The following TENM3 variants were observed in gnomAD, a reference collection of about 807,000 sequenced individuals.
TENM3 encodes the protein teneurin transmembrane protein 3.
Under a neutral mutation model 255.1 loss-of-function variants are expected in TENM3, and 63 were observed. The ratio of observed to expected loss-of-function variants is 0.25; its 90% CI spans 0.20 to 0.30. The LOEUF is 0.30. Among genes scored for constraint, TENM3 ranks in the 10% least tolerant of loss-of-function variants. TENM3 has a pLI of 1.00. For synonymous variants in TENM3, 1,306 were observed against 1,322.3 expected (o/e 0.99, Z 0.27); for missense variants, 2,929 against 3,461.1 (o/e 0.85, Z 3.86).
At chr4:182,211,049 C>T (rs1755003835) in intron 1 of TENM3, among the ~76,000 whole-genome samples, 1 of 152,162 alleles carries the variant, frequency 6.6e-6, no homozygotes, top group African/African-American at 2.4e-5. Flanking sequence ...GTCGCTGTCC[C>T]TCATCATCTC....
At chr4:182,070,458 A>C in the TENM3 span, among the ~76,000 whole-genome samples, 1 of 152,300 alleles carries the variant, frequency 6.6e-6, no homozygotes, top group South Asian at 2.1e-4. Flanking sequence ...TCTTTACTAA[A>C]AATACAAAAT....
chr4:181,616,081 A>G, the TENM3 span, among the ~76,000 whole-genome samples: 1 of 152,078 alleles, frequency 6.6e-6, no homozygotes, highest in Non-Finnish European at 1.5e-5. Context: ...AATGTAAATA[A>G]CAACACAAAT....
At chr4:181,664,439 C>A in the TENM3 span, among the ~76,000 whole-genome samples, 25 of 150,820 alleles carry the variant, frequency 1.7e-4, no homozygotes, top group Non-Finnish European at 2.4e-4. Flanking sequence ...CACTGCACTC[C>A]AGCCTGGGCG....
intron 22 of TENM3, among the ~76,000 whole-genome samples, chr4:182,771,362 C>T (rs1387095751): frequency 6.6e-6 from 1 of 152,082 alleles, no homozygotes; most frequent in Non-Finnish European, 1.5e-5. Flanking sequence ...TTAAATCAGG[C>T]ACTGTGATCT....
At chr4:182,091,622 G>C in the TENM3 span, among the ~76,000 whole-genome samples, 1 of 152,316 alleles carries the variant, frequency 6.6e-6, no homozygotes, top group South Asian at 2.1e-4. Context: ...GCCTCTGAGG[G>C]CACATCCTAG....
At chr4:182,200,568 GCTAAGTTATTCT>G (rs1401659375) in intron 1 of TENM3, among the ~76,000 whole-genome samples, 7 of 152,114 alleles carry the variant, frequency 4.6e-5, no homozygotes, top group Non-Finnish European at 7.4e-5. Flanking sequence ...AGTGTCCTTG[GCTAAGTTATTCT>G]CTACAGAAGG....
intron 4 of TENM3, among the ~76,000 whole-genome samples, chr4:182,606,017 G>A (rs1053700872): frequency 2.0e-5 from 3 of 152,152 alleles, no homozygotes; most frequent in Admixed American, 2.0e-4. Context: ...AACGAGAAAG[G>A]CAGGTTGAAT....
Position 182,722,630 on chromosome 4 carries a change from G to C in TENM3, c.2369-6335G>C, listed in dbSNP as rs759566664. Among the ~76,000 whole-genome samples, 10 of 152,310 alleles carry C rather than the reference G, an allele frequency of 6.6e-5. No individual in the cohort carries two copies. The South Asian group carries it at 8.3e-4, about 13-fold the overall frequency. On this transcript the variant is annotated intron_variant, in intron 13 of 27. Coordinates refer to ENST00000511685, the MANE Select transcript of TENM3 (RefSeq NM_001080477.4). ...CTTATAAGCCATGTTAAGGAGTTGT[G>C]ACTTTACTCAGAAGGCAATGGAGAC... is the stretch of plus-strand genomic sequence containing the variant.
chr4:181,964,964 A>G, the TENM3 span, among the ~76,000 whole-genome samples: 2 of 152,164 alleles, frequency 1.3e-5, no homozygotes, highest in Non-Finnish European at 2.9e-5. Flanking sequence ...TTGACAATCT[A>G]AAGTGTCTAC....
chr4:182,337,060 C>A (rs1172346526), intron 2 of TENM3, among the ~76,000 whole-genome samples: 1 of 152,166 alleles, frequency 6.6e-6, no homozygotes. Flanking sequence ...TTCTACACTA[C>A]TCTTTTATCT....
chr4:182,342,734 T>C (rs570891448), intron 2 of TENM3, among the ~76,000 whole-genome samples: 18 of 152,160 alleles, frequency 1.2e-4, no homozygotes, highest in Non-Finnish European at 2.6e-4. Flanking sequence ...AATCCAGACA[T>C]TAGTGAGGAG....
Position 182,679,700 on chromosome 4 carries a change from T to C in TENM3, c.1361T>C (p.Leu454Pro). The C allele has an allele frequency of 6.2e-7, 1 of 1,613,230 alleles. No individual in the cohort carries two copies. The highest frequency in any genetic ancestry group is 2.2e-5 in the East Asian group (1 of 44,884). The change falls in exon 8 of 28, where the codon CTG becomes CCG. Residue 454 changes from leucine (L) to proline (P), a missense_variant. Around this residue, in one of 6 missense-constraint regions of TENM3, gnomAD observed 1,608 missense variants for 1,884.4 expected, o/e 0.85. Transcript: ENST00000511685. The stretch of plus-strand genomic sequence containing the variant: ...GTGGAGCTCCTGGATGGCAGCAGGC[T>C]GATTGCCAGAGAGCAGCGGAGCCTG... ...DFVELLDGSRLIAREQRSLLE... is the reference protein window; with the variant it reads ...DFVELLDGSRPIAREQRSLLE...
chr4:181,996,499 G>A, the TENM3 span, among the ~76,000 whole-genome samples: 1 of 152,212 alleles, frequency 6.6e-6, no homozygotes, highest in East Asian at 1.9e-4. Flanking sequence ...CTGAAGCAGA[G>A]AGTGAAAGGG....
At chr4:182,211,513 G>T (rs1755039512) in intron 1 of TENM3, among the ~76,000 whole-genome samples, 1 of 152,154 alleles carries the variant, frequency 6.6e-6, no homozygotes, top group African/African-American at 2.4e-5. Context: ...AATTTGAAAA[G>T]AAATTTGATG....
chr4:182,468,222 C>CA lies in TENM3; in HGVS notation c.511+121300dup, dbSNP rs1298134804. Among the ~76,000 whole-genome samples the CA allele has an allele frequency of 3.9e-5, 6 of 152,036 alleles. No homozygotes were observed. The South Asian group carries it at 1.0e-3, about 26-fold the overall frequency. ...GGTAATGTAGGGGAGACTGTCTCTA[C>CA]AAAAAAATGCAAACTATTAAAAAGG... On this transcript the variant is annotated intron_variant, in intron 3 of 27. Coordinates refer to ENST00000511685, the MANE Select transcript of TENM3 (RefSeq NM_001080477.4).
chr4:182,680,049 A>G (rs747403434), intron 8 of TENM3, among the ~76,000 whole-genome samples, 173 bp downstream of exon 8: 7 of 152,220 alleles, frequency 4.6e-5, no homozygotes, highest in Non-Finnish European at 1.0e-4. Flanking sequence ...ACTGTGAAGC[A>G]CTGGGAGAAA....
At chr4:182,003,810 A>G in the TENM3 span, among the ~76,000 whole-genome samples, 3 of 152,130 alleles carry the variant, frequency 2.0e-5, no homozygotes, top group Non-Finnish European at 2.9e-5. Flanking sequence ...TTTTAGTCTT[A>G]TAGTTCTTTG....
the TENM3 span, among the ~76,000 whole-genome samples, chr4:181,889,496 A>G: frequency 6.6e-6 from 1 of 152,218 alleles, no homozygotes; most frequent in Non-Finnish European, 1.5e-5. Flanking sequence ...CAGCAACGCA[A>G]GAACAGCCTA....
chr4:181,550,883 G>C, the TENM3 span, among the ~76,000 whole-genome samples: 60 of 152,262 alleles, frequency 3.9e-4, no homozygotes, highest in African/African-American at 1.3e-3. Flanking sequence ...ATGCTCTCCT[G>C]CAAACTACCC....
Sources: gnomAD v4.1 joint callset for allele counts (sites outside exome capture counted in the v4.1 genomes callset) on GRCh38, gnomAD v4.1.1 for gene constraint, gnomAD v4.1.1 regional missense constraint, MANE v1.5 for transcripts, NCBI Gene and HGNC (gene_info 2026-07-23, HGNC 2026-07-21) for gene names.